TERF1: variants seen among roughly 807,000 people sequenced by gnomAD.
The protein encoded by TERF1 is telomeric repeat binding factor 1, also known as telomeric repeat-binding factor 1.
TERF1 carries 20 observed loss-of-function variants against 55.1 expected under a neutral mutation model. The observed-to-expected ratio is 0.36, with a 90% CI of 0.26 to 0.53. The LOEUF (loss-of-function observed/expected upper bound fraction) is 0.53. Among genes scored for constraint, TERF1 ranks in the 20% least tolerant of loss-of-function variants. TERF1 has a pLI of 0.91. For synonymous variants in TERF1, 168 were observed against 181.2 expected (o/e 0.93, Z 0.59); for missense variants, 439 against 535.7 (o/e 0.82, Z 1.78).
At chr8:73,009,371 C>A in intron 1 of TERF1, 166 bp downstream of exon 1, 1 of 622,840 alleles carries the variant, frequency 1.6e-6, no homozygotes, top group Non-Finnish European at 2.7e-6. Flanking sequence ...CCCGGTTCGC[C>A]CGTTGTCAGC....
chr8:73,011,305 T>C (rs1047897157), intron 1 of TERF1: 1 of 152,294 alleles, frequency 6.6e-6, no homozygotes, highest in Non-Finnish European at 1.5e-5. Context: ...CCCAGCCCTT[T>C]GGAAGGCCAA....
Position 73,026,637 on chromosome 8 carries a change from A to T in TERF1, c.775-303A>T, listed in dbSNP as rs373547601. Among the ~76,000 whole-genome samples the T allele has an allele frequency of 2.7e-5, 4 of 148,256 alleles. No individual in the cohort carries two copies. The South Asian group carries it at 6.4e-4, about 24-fold the overall frequency. On this transcript the variant is annotated intron_variant, in intron 5 of 9. Transcript: ENST00000276603. The stretch of plus-strand genomic sequence containing the variant: ...TTATTTGAAAATATCTAGAATTTTT[A>T]TTTTTTTTTTTTTTCATGCAGCCTT...
intron 8 of TERF1, among the ~76,000 whole-genome samples, chr8:73,032,530 G>A (rs1168885133): frequency 2.0e-5 from 3 of 152,030 alleles, no homozygotes; most frequent in Non-Finnish European, 2.9e-5. Flanking sequence ...TAGGGGAAAT[G>A]ATTGATAATT....
Position 73,009,054 on chromosome 8 carries a change from G to A in TERF1, c.168G>A (p.Glu56=). Residue 56 remains glutamate (E), a synonymous_variant, in exon 1 of 10, where the codon GAG becomes GAA. Transcript: ENST00000276603. The part of the protein sequence containing the change: ...ECQVQVGAPE[E]EEEEEEDAGL... ...AGGTGCAGGTGGGGGCCCCCGAGGA[G>A]GAGGAGGAGGAGGAGGAGGACGCGG... 1 of 1,598,614 alleles carries A rather than the reference G, an allele frequency of 6.3e-7. No individual in the cohort carries two copies. Among genetic ancestry groups the A allele is most frequent in the Non-Finnish European group, 8.5e-7 (1 of 1,171,420 alleles).
At chr8:73,021,689 A>G in intron 3 of TERF1, among the ~76,000 whole-genome samples, 1 of 152,206 alleles carries the variant, frequency 6.6e-6, no homozygotes, top group Non-Finnish European at 1.5e-5. Flanking sequence ...AAGTTTACAT[A>G]GCTACCCAAA....
chr8:73,026,822 T>C, intron 5 of TERF1, 118 bp from the exon 6 acceptor site: 1 of 766,634 alleles, frequency 1.3e-6, no homozygotes, highest in East Asian at 2.7e-5. Flanking sequence ...CATTGGCCTG[T>C]GAACAGATAC....
intron 9 of TERF1, among the ~76,000 whole-genome samples, chr8:73,045,057 G>A (rs1457572468): frequency 1.3e-5 from 2 of 152,098 alleles, no homozygotes; most frequent in Non-Finnish European, 2.9e-5. Flanking sequence ...TGGAATTGCT[G>A]GATCATATGG....
At chr8:73,029,395 C>T (rs1439873122) in intron 6 of TERF1, among the ~76,000 whole-genome samples, 1 of 152,002 alleles carries the variant, frequency 6.6e-6, no homozygotes, top group Non-Finnish European at 1.5e-5. Context: ...AAGGCTGAGG[C>T]AGGAGGATCA....
intron 2 of TERF1, 131 bp from the exon 3 acceptor site, chr8:73,020,553 A>C: frequency 1.7e-6 from 1 of 588,130 alleles, no homozygotes; most frequent in Non-Finnish European, 2.6e-6. Flanking sequence ...TCACTTCTAA[A>C]CTGGTATAAA....
At chr8:73,037,779 TTA>T (rs1809637315) in intron 8 of TERF1, among the ~76,000 whole-genome samples, 2 of 49,612 alleles carry the variant, frequency 4.0e-5, no homozygotes, top group Non-Finnish European at 8.6e-5. Flanking sequence ...AATATATATA[TTA>T]TATATAATAT....
chr8:73,022,817 G>A (rs55904148), intron 4 of TERF1, among the ~76,000 whole-genome samples: 4,598 of 152,042 alleles, frequency 0.03, 191 homozygotes, highest in African/African-American at 0.097. Flanking sequence ...GTGTGGTGGC[G>A]CAATACTGTA....
In TERF1 at chr8:73,046,066, A is replaced by G. The variant is rs1810019154; in HGVS notation, c.1249A>G (p.Ser417Gly). 1 of 1,611,160 alleles carries G rather than the reference A, an allele frequency of 6.2e-7. No individual in the cohort carries two copies. Among genetic ancestry groups the G allele is most frequent in the East Asian group, 2.2e-5 (1 of 44,594 alleles). The change falls in exon 10 of 10, where the codon AGT becomes GGT. Residue 417 changes from serine (S) to glycine (G), a missense_variant. Physicochemically the swap from Ser to Gly is moderately conservative, Grantham distance 56. Coordinates refer to ENST00000276603, the MANE Select transcript of TERF1 (RefSeq NM_017489.3). Reference sequence around the variant, plus strand: ...GCATTATAAATTCAACAACCGGACAAGTGTCATGTTAAAAGACAGATGGAG... The same window carrying G: ...GCATTATAAATTCAACAACCGGACAGGTGTCATGTTAAAAGACAGATGGAG... Reference protein sequence around the residue: ...LLHYKFNNRTSVMLKDRWRTM... With the variant: ...LLHYKFNNRTGVMLKDRWRTM...
At chr8:73,026,877 A>C (rs1159712333) in intron 5 of TERF1, 63 bp from the exon 6 acceptor site, 3 of 1,232,344 alleles carry the variant, frequency 2.4e-6, no homozygotes, top group South Asian at 2.5e-5. Flanking sequence ...ATTTAATGCT[A>C]TTTGTTTAAA....
rs546422083 is a variant in TERF1 at position 73,015,605 on chromosome 8, A to C, written c.415+1615A>C. On this transcript the variant is annotated intron_variant, in intron 2 of 9. Coordinates refer to ENST00000276603, the MANE Select transcript of TERF1 (RefSeq NM_017489.3). ...GTAATCCCAGCACTTTGGGAGGCCG[A>C]GGTGAGCGGATCACGAGGCCAGGCA... is the stretch of plus-strand genomic sequence containing the variant. 3.9e-5 allele frequency among the ~76,000 whole-genome samples: 6 copies of C among 152,214 alleles called. No individual in the cohort carries two copies. The East Asian group carries it at 1.2e-3, about 29-fold the overall frequency.
intron 6 of TERF1, among the ~76,000 whole-genome samples, chr8:73,028,663 G>A (rs1809138944): frequency 7.1e-6 from 1 of 141,424 alleles, no homozygotes; most frequent in South Asian, 2.3e-4. Flanking sequence ...TAGCAGCACA[G>A]AAGCTTTGTT....
chr8:73,037,261 G>T (rs1809572452), intron 8 of TERF1, among the ~76,000 whole-genome samples: 1 of 134,476 alleles, frequency 7.4e-6, no homozygotes, highest in African/African-American at 2.7e-5. Context: ...GCTTTACTAT[G>T]TATATAAAAC....
intron 8 of TERF1, among the ~76,000 whole-genome samples, chr8:73,037,909 A>G (rs1456866567): frequency 1.8e-5 from 2 of 109,178 alleles, no homozygotes; most frequent in Non-Finnish European, 3.8e-5. Flanking sequence ...TATAAATATG[A>G]TATAATATAT....
At chr8:73,032,200 C>T in intron 8 of TERF1, 67 bp downstream of exon 8, 3 of 1,149,502 alleles carry the variant, frequency 2.6e-6, no homozygotes, top group South Asian at 1.5e-5. Flanking sequence ...CAGCCATTGA[C>T]TTTACCACTA....
At chr8:73,009,305 G>GGAGAGAGGGC (rs1808175178) in intron 1 of TERF1, 100 bp downstream of exon 1, 19 of 70,260 alleles carry the variant, frequency 2.7e-4, no homozygotes, top group Admixed American at 1.6e-3. Context: ...CGAGGGAGGG[G>GGAGAGAGGGC]CTGCTGCGGC....
Sources: allele counts gnomAD v4.1 joint callset (sites outside exome capture counted in the v4.1 genomes callset), GRCh38; gene constraint gnomAD v4.1.1; transcripts MANE v1.5; gene names NCBI Gene and HGNC (gene_info 2026-07-23, HGNC 2026-07-21).